Variants in TIAM1 observed in about 807,000 individuals in gnomAD.
TIAM1 encodes the protein TIAM Rac1 associated GEF 1.
A neutral mutation model predicts 163.5 loss-of-function variants in TIAM1; 65 were observed. That is an observed-to-expected ratio of 0.40 (90% CI 0.33 to 0.49). The LOEUF (loss-of-function observed/expected upper bound fraction) is 0.49. TIAM1 is among the 20% of genes least tolerant of loss of function. TIAM1 has a pLI of 0.77. For missense variants in TIAM1, 1,789 were observed against 2,044.7 expected (o/e 0.87, Z 2.41); for synonymous variants, 833 against 810.1 (o/e 1.03, Z -0.48).
chr21:31,210,651 AAG>A lies in TIAM1; in HGVS notation c.2218-438_2218-437del, dbSNP rs1491020611. Among the ~76,000 whole-genome samples the A allele has an allele frequency of 3.9e-3, 86 of 22,154 alleles. 2 individuals carry two copies. The highest frequency in any genetic ancestry group is 0.032 in the Middle Eastern group (2 of 62). The allele number at this position is 22,154 out of a possible 152,430, so 14.5% of individuals were successfully genotyped here. ...AAAGAAAGAAAGAAAGAAAGAAAGA[AAG>A]AAAGAAAGAAAGAAAAAGAAAGAAA... On this transcript the variant is annotated intron_variant, in intron 10 of 27. Transcript: ENST00000541036.
At chr21:31,159,485 T>C (rs1364359395) in intron 16 of TIAM1, among the ~76,000 whole-genome samples, 2 of 152,224 alleles carry the variant, frequency 1.3e-5, no homozygotes, top group Non-Finnish European at 2.9e-5. Flanking sequence ...GTCTGACCGA[T>C]TTAACACATC....
intron 2 of TIAM1, among the ~76,000 whole-genome samples, chr21:31,460,801 AT>A (rs980255883): frequency 9.2e-5 from 14 of 152,192 alleles, no homozygotes; most frequent in Admixed American, 2.0e-4. Context: ...TTGGTAAGCT[AT>A]TTTACTGTTT....
chr21:31,452,452 A>G, intron 2 of TIAM1: 1 of 452,882 alleles, frequency 2.2e-6, no homozygotes. Flanking sequence ...AACAAAAGAA[A>G]GGTTATAAGC....
chr21:31,174,106 T>C (rs1264857838), intron 15 of TIAM1, among the ~76,000 whole-genome samples: 1 of 152,214 alleles, frequency 6.6e-6, no homozygotes, highest in East Asian at 1.9e-4. Flanking sequence ...TATTTGTTTG[T>C]GGGAAGAGAA....
intron 2 of TIAM1, among the ~76,000 whole-genome samples, chr21:31,457,692 A>G (rs1055181183): frequency 1.6e-5 from 2 of 125,752 alleles, no homozygotes; most frequent in Non-Finnish European, 3.7e-5. Flanking sequence ...ACTAATAGGT[A>G]AATGATAAAG....
intron 2 of TIAM1, among the ~76,000 whole-genome samples, chr21:31,304,066 C>T (rs764361193): frequency 9.2e-5 from 14 of 152,118 alleles, no homozygotes; most frequent in African/African-American, 9.7e-5. Context: ...TCAAAAGCAA[C>T]GAAATAGAAG....
chr21:31,373,276 T>A (rs183376136), intron 2 of TIAM1, among the ~76,000 whole-genome samples: 1 of 152,090 alleles, frequency 6.6e-6, no homozygotes, highest in Admixed American at 6.6e-5. Context: ...GGATACAGGA[T>A]GAGACCCTGT....
At chr21:31,439,536 C>T (rs991242698) in intron 2 of TIAM1, among the ~76,000 whole-genome samples, 4 of 152,150 alleles carry the variant, frequency 2.6e-5, no homozygotes, top group South Asian at 2.1e-4. Context: ...GTAATTCACC[C>T]GCGTTGGCCT....
Position 31,176,326 on chromosome 21 carries a change from G to T in TIAM1, c.2887+6095C>A, listed in dbSNP as rs112503087. Among the ~76,000 whole-genome samples the T allele has an allele frequency of 9.8e-3, 1,495 of 152,210 alleles. 26 individuals are homozygous for T. Among genetic ancestry groups the T allele is most frequent in the African/African-American group, 0.034 (1,428 of 41,522 alleles). On this transcript the variant is annotated intron_variant, in intron 15 of 27. Coordinates refer to ENST00000541036, the MANE Select transcript of TIAM1 (RefSeq NM_001353694.2). ...ATTCTAGCTTCCCCTTCACTGCTAA[G>T]ATCTTTTTATAAAAACAGCCACTGA...
intron 20 of TIAM1, among the ~76,000 whole-genome samples, chr21:31,146,403 C>T (rs1012384716): frequency 1.1e-5 from 1 of 89,914 alleles, no homozygotes; most frequent in Non-Finnish European, 2.2e-5. Flanking sequence ...GGCTCTGTGT[C>T]AAAAAAAAAA....
At chr21:31,125,951 A>G (rs2082182278) in intron 26 of TIAM1, among the ~76,000 whole-genome samples, 1 of 152,216 alleles carries the variant, frequency 6.6e-6, no homozygotes, top group Admixed American at 6.5e-5. Context: ...AACTGGAGTA[A>G]GAATTGTATT....
intron 1 of TIAM1, among the ~76,000 whole-genome samples, chr21:31,479,784 C>G (rs1017305723): frequency 6.6e-6 from 1 of 152,082 alleles, no homozygotes; most frequent in Non-Finnish European, 1.5e-5. Flanking sequence ...GCTGTTCCCC[C>G]ATATCTCCAC....
chr21:31,546,549 C>CAAA (rs757156366), intron 1 of TIAM1, among the ~76,000 whole-genome samples: 1 of 94,830 alleles, frequency 1.1e-5, no homozygotes, highest in East Asian at 1.4e-3. Flanking sequence ...GACTCCATCT[C>CAAA]AAAAAAAAAA....
At position 31,228,563 on chromosome 21, in the gene TIAM1, G is replaced by A. The variant is rs1601628175; in HGVS notation, c.1585-2613C>T. Among the ~76,000 whole-genome samples, 4 of 152,154 alleles carry A rather than the reference G, an allele frequency of 2.6e-5. No individual in the cohort carries two copies. The East Asian group carries it at 7.7e-4, about 29-fold the overall frequency. On this transcript the variant is annotated intron_variant, in intron 6 of 27. Transcript: ENST00000541036. The stretch of plus-strand genomic sequence containing the variant: ...ATCCAGGTGCCACCAATAGGGGAAT[G>A]GATGAATATGTGGGATAATCACACA...
chr21:31,306,351 A>C lies in TIAM1; in HGVS notation c.-188-29443T>G, dbSNP rs183970914. ...CCCACTGAATAAAATAGGAAACTAC[A>C]AGTCCATATAGAGAGAAATAAAATT... On this transcript the variant is annotated intron_variant, in intron 2 of 27. Coordinates refer to ENST00000541036, the MANE Select transcript of TIAM1 (RefSeq NM_001353694.2). 1.5e-3 allele frequency among the ~76,000 whole-genome samples: 224 copies of C among 152,324 alleles called. 2 individuals are homozygous for C. Among genetic ancestry groups the C allele is most frequent in the Non-Finnish European group, 2.6e-3 (174 of 68,028 alleles).
At chr21:31,342,478 A>T (rs1372467548) in intron 1 of TIAM1, among the ~76,000 whole-genome samples, 1 of 152,232 alleles carries the variant, frequency 6.6e-6, no homozygotes, top group Non-Finnish European at 1.5e-5. Context: ...CAACAGTCAC[A>T]TGTGACAATA....
chr21:31,180,500 T>C (rs1240879025), intron 15 of TIAM1, among the ~76,000 whole-genome samples: 3 of 147,788 alleles, frequency 2.0e-5, no homozygotes, highest in African/African-American at 7.8e-5. Context: ...TTTTAGCCTA[T>C]GGATTATAGT....
At position 31,203,667 on chromosome 21, in the gene TIAM1, C is replaced by T. The variant is rs79816434; in HGVS notation, c.2389-655G>A. Among the ~76,000 whole-genome samples the T allele has an allele frequency of 8.5e-3, 1,295 of 151,582 alleles. 24 individuals carry two copies. Among genetic ancestry groups the T allele is most frequent in the African/African-American group, 0.03 (1,227 of 41,430 alleles). ...AGATCAAAAAGGTTCTTAAATATAA[C>T]TTCATAGATAGGTGATTAAAGAAAA... On this transcript the variant is annotated intron_variant, in intron 11 of 27. Transcript: ENST00000541036.
chr21:31,157,269 A>C (rs1038742746), intron 16 of TIAM1, among the ~76,000 whole-genome samples: 2 of 152,236 alleles, frequency 1.3e-5, no homozygotes, highest in Admixed American at 1.3e-4. Flanking sequence ...GCTTTTGGTG[A>C]ACTGGTGAGT....
Sources: gnomAD v4.1 joint callset for allele counts (sites outside exome capture counted in the v4.1 genomes callset) on GRCh38, gnomAD v4.1.1 for gene constraint, MANE v1.5 for transcripts, NCBI Gene and HGNC (gene_info 2026-07-23, HGNC 2026-07-21) for gene names.